MAGI2: variants seen among roughly 807,000 people sequenced by gnomAD.
MAGI2 encodes membrane associated guanylate kinase, WW and PDZ domain containing 2.
In MAGI2, 35 loss-of-function variants were observed where a neutral mutation model predicts 133.3. That is an observed-to-expected ratio of 0.26 (90% CI 0.20 to 0.35). The LOEUF (loss-of-function observed/expected upper bound fraction) is 0.35. MAGI2 is among the 10% of genes least tolerant of loss of function. The pLI, the probability that MAGI2 is intolerant of heterozygous loss-of-function variation, is 1.00. For missense variants in MAGI2, 1,636 were observed against 1,863.4 expected (o/e 0.88, Z 2.25); for synonymous variants, 729 against 710.6 (o/e 1.03, Z -0.41).
At position 78,125,838 on chromosome 7, in the gene MAGI2, CT is replaced by C; in HGVS notation, c.3424-2del. On this transcript the variant is annotated splice_acceptor_variant, in intron 19 of 21. Coordinates refer to ENST00000354212, the MANE Select transcript of MAGI2 (RefSeq NM_012301.4). LOFTEE classifies it high-confidence loss of function. ...TGTCCACAGTGAAATAATCAAAATC[CT>C]TTGGGGTTGGGGAGAAAATGGAATA... The C allele has an allele frequency of 3.1e-6, 5 of 1,613,926 alleles. No individual in the cohort carries two copies. Among genetic ancestry groups the C allele is most frequent in the Non-Finnish European group, 4.2e-6 (5 of 1,179,942 alleles).
chr7:79,381,582 A>G (rs543640922), intron 1 of MAGI2, among the ~76,000 whole-genome samples: 2 of 151,880 alleles, frequency 1.3e-5, no homozygotes, highest in South Asian at 4.1e-4. Flanking sequence ...ATGGCCCATA[A>G]AAATCAGCAA....
intron 2 of MAGI2, among the ~76,000 whole-genome samples, chr7:78,678,299 C>G (rs772837663): frequency 3.6e-4 from 55 of 152,244 alleles, no homozygotes; most frequent in Non-Finnish European, 7.1e-4. Flanking sequence ...GCCTTCAATA[C>G]TTATGCCCAT....
At chr7:78,560,344 T>C (rs1444699935) in intron 3 of MAGI2, among the ~76,000 whole-genome samples, 1 of 151,926 alleles carries the variant, frequency 6.6e-6, no homozygotes, top group Admixed American at 6.6e-5. Flanking sequence ...AAAAGAGAGG[T>C]GAGAGTTACA....
At chr7:78,497,766 T>TCTGTCTGTCTGTCTGTCTG (rs1385517709) in intron 5 of MAGI2, among the ~76,000 whole-genome samples, 2 of 135,304 alleles carry the variant, frequency 1.5e-5, no homozygotes, top group Non-Finnish European at 3.3e-5. Flanking sequence ...CTATCTATCT[T>TCTGTCTGTCTGTCTGTCTG]TCTATCTTAT....
intron 5 of MAGI2, among the ~76,000 whole-genome samples, chr7:78,491,055 T>C (rs954007427): frequency 2.6e-5 from 4 of 152,148 alleles, no homozygotes; most frequent in Admixed American, 2.0e-4. Flanking sequence ...ATTTCACATG[T>C]ATTCTCTTTC....
At chr7:79,129,626 T>A (rs1820732787) in intron 1 of MAGI2, among the ~76,000 whole-genome samples, 1 of 152,166 alleles carries the variant, frequency 6.6e-6, no homozygotes, top group South Asian at 2.1e-4. Flanking sequence ...ATTATAATGA[T>A]AGCCATTTCA....
At chr7:79,372,001 T>G (rs769727247) in intron 1 of MAGI2, among the ~76,000 whole-genome samples, 1 of 152,188 alleles carries the variant, frequency 6.6e-6, no homozygotes, top group Non-Finnish European at 1.5e-5. Flanking sequence ...TTACTTAATA[T>G]CCCATTACAG....
At chr7:78,106,574 T>C (rs1327604528) in intron 20 of MAGI2, among the ~76,000 whole-genome samples, 1 of 152,178 alleles carries the variant, frequency 6.6e-6, no homozygotes, top group East Asian at 1.9e-4. Flanking sequence ...TGATATCTCA[T>C]TGTAGGTTTG....
chr7:79,035,220 CA>C (rs1392897147), intron 1 of MAGI2, among the ~76,000 whole-genome samples: 4 of 36,976 alleles, frequency 1.1e-4, no homozygotes, highest in East Asian at 1.2e-3. Flanking sequence ...GCGGCGGGGG[CA>C]GGGGGGGTGG....
At chr7:79,125,406 T>C (rs1371427954) in intron 1 of MAGI2, 1 of 490,252 alleles carries the variant, frequency 2.0e-6, no homozygotes, top group South Asian at 1.5e-5. Context: ...TCAGGGGTCA[T>C]GGTGTCTTTG....
intron 9 of MAGI2, among the ~76,000 whole-genome samples, chr7:78,263,264 G>C (rs1793688718): frequency 6.6e-6 from 1 of 152,162 alleles, no homozygotes; most frequent in Admixed American, 6.6e-5. Flanking sequence ...ATTGTGAAGA[G>C]CACTGCAATG....
chr7:78,057,086 C>T (rs1272116243), intron 21 of MAGI2, among the ~76,000 whole-genome samples: 1 of 147,142 alleles, frequency 6.8e-6, no homozygotes, highest in Non-Finnish European at 1.5e-5. Flanking sequence ...ATAAAATCTC[C>T]AAAAGTGGGA....
intron 3 of MAGI2, among the ~76,000 whole-genome samples, chr7:78,533,164 G>A (rs1448923607): frequency 6.6e-6 from 1 of 152,150 alleles, no homozygotes; most frequent in Admixed American, 6.5e-5. Context: ...GTGTAAAGGT[G>A]TATATTTTAC....
chr7:78,633,213 A>G (rs1809216682), intron 2 of MAGI2, among the ~76,000 whole-genome samples: 1 of 152,188 alleles, frequency 6.6e-6, no homozygotes, highest in Admixed American at 6.5e-5. Context: ...AACACAAAGT[A>G]GGCAACAACA....
intron 2 of MAGI2, among the ~76,000 whole-genome samples, chr7:78,673,710 G>A (rs1456884848): frequency 1.3e-5 from 2 of 151,954 alleles, no homozygotes; most frequent in Non-Finnish European, 2.9e-5. Flanking sequence ...GGGGAGGGGG[G>A]CAGGCGGTGT....
At chr7:78,708,469 A>T (rs1818867169) in intron 2 of MAGI2, among the ~76,000 whole-genome samples, 1 of 152,144 alleles carries the variant, frequency 6.6e-6, no homozygotes, top group South Asian at 2.1e-4. Flanking sequence ...ACAGTAAATG[A>T]TAAGGTATTT....
At chr7:78,925,553 A>G (rs1168145814) in intron 2 of MAGI2, among the ~76,000 whole-genome samples, 1 of 152,070 alleles carries the variant, frequency 6.6e-6, no homozygotes, top group Non-Finnish European at 1.5e-5. Flanking sequence ...AACCATATGC[A>G]TGCTAAGATA....
chr7:79,200,900 C>T (rs533834348), intron 1 of MAGI2, among the ~76,000 whole-genome samples: 44 of 152,022 alleles, frequency 2.9e-4, no homozygotes, highest in African/African-American at 9.9e-4. Flanking sequence ...TAGAAGGTGA[C>T]CAATTAGATA....
At chr7:79,399,090 C>CTTTTTTTTTTTTTTTTTTT (rs1337058211) in intron 1 of MAGI2, among the ~76,000 whole-genome samples, 4 of 101,464 alleles carry the variant, frequency 3.9e-5, no homozygotes, top group African/African-American at 1.0e-4. Context: ...TTTTTTTTTT[C>CTTTTTTTTTTTTTTTTTTT]TTTTCTTTTT....
Sources: allele counts gnomAD v4.1 joint callset (sites outside exome capture counted in the v4.1 genomes callset), GRCh38; gene constraint gnomAD v4.1.1; transcripts MANE v1.5; gene names NCBI Gene and HGNC (gene_info 2026-07-23, HGNC 2026-07-21).